The following TRIM2 variants were observed in gnomAD, a reference collection of about 807,000 sequenced individuals.
The protein encoded by TRIM2 is tripartite motif containing 2.
Under a neutral mutation model 75.2 loss-of-function variants are expected in TRIM2, and 20 were observed. That is an observed-to-expected ratio of 0.27 (90% confidence interval 0.19 to 0.39). The LOEUF (loss-of-function observed/expected upper bound fraction) is 0.39. Among genes scored for constraint, TRIM2 ranks in the 10% least tolerant of loss-of-function variants. The pLI is 1.00. For synonymous variants in TRIM2, 373 were observed against 388.3 expected (o/e 0.96, Z 0.46); for missense variants, 660 against 990.8 (o/e 0.67, Z 4.48).
intron 6 of TRIM2, among the ~76,000 whole-genome samples, chr4:153,305,175 C>G (rs577093429): frequency 1.3e-5 from 2 of 152,306 alleles, no homozygotes; most frequent in South Asian, 4.1e-4. Context: ...GCTGTGAACT[C>G]TGAAGCTAGA....
intron 1 of TRIM2, among the ~76,000 whole-genome samples, chr4:153,214,164 A>G (rs1560824345): frequency 6.6e-6 from 1 of 152,218 alleles, no homozygotes; most frequent in African/African-American, 2.4e-5. Flanking sequence ...TTTTTGATAC[A>G]TCTTACAAAA....
chr4:153,169,629 A>T (rs985692091), intron 1 of TRIM2, among the ~76,000 whole-genome samples: 4 of 152,344 alleles, frequency 2.6e-5, no homozygotes, highest in African/African-American at 9.6e-5. Context: ...ATATGTATTT[A>T]TATGATGTTT....
intron 10 of TRIM2, among the ~76,000 whole-genome samples, chr4:153,325,137 T>C (rs1404533104): frequency 1.3e-5 from 2 of 152,176 alleles, no homozygotes; most frequent in Non-Finnish European, 2.9e-5. Context: ...GGGTAGGTTT[T>C]TTAACACCCA....
chr4:153,256,795 A>G (rs55684734), intron 1 of TRIM2, among the ~76,000 whole-genome samples: 18,323 of 152,196 alleles, frequency 0.12, 1,156 homozygotes, highest in African/African-American at 0.14. Context: ...TAGAACCACA[A>G]AAAGCAAAGA....
chr4:153,244,150 CTTG>C (rs140852516), intron 1 of TRIM2, among the ~76,000 whole-genome samples: 14,562 of 141,216 alleles, frequency 0.1, 1,106 homozygotes, highest in South Asian at 0.26. Context: ...TCTTGTTCTT[CTTG>C]TTCTTCTTCT....
At chr4:153,245,667 ATTTG>A (rs767598060) in intron 1 of TRIM2, among the ~76,000 whole-genome samples, 3 of 152,170 alleles carry the variant, frequency 2.0e-5, no homozygotes, top group South Asian at 2.1e-4. Context: ...ACTGTTATTT[ATTTG>A]TTTGTTTATA....
chr4:153,281,071 A>T (rs188017351), intron 3 of TRIM2, among the ~76,000 whole-genome samples: 214 of 152,342 alleles, frequency 1.4e-3, no homozygotes, highest in African/African-American at 4.8e-3. Context: ...CAGAAAATCC[A>T]CAGAGGATAT....
intron 1 of TRIM2, among the ~76,000 whole-genome samples, chr4:153,222,006 A>AAC (rs1560836107): frequency 2.3e-5 from 1 of 42,890 alleles, no homozygotes; most frequent in Non-Finnish European, 4.8e-5. Context: ...AAGGAAGGAA[A>AAC]GAAGGAAGGA....
chr4:153,210,118 G>C (rs545412373), intron 1 of TRIM2, among the ~76,000 whole-genome samples: 318 of 144,976 alleles, frequency 2.2e-3, no homozygotes, highest in Non-Finnish European at 3.8e-3. Context: ...AGGCTGGAGA[G>C]CAGTGGCGAG....
intron 10 of TRIM2, among the ~76,000 whole-genome samples, chr4:153,326,656 G>A (rs1043328850): frequency 2.6e-5 from 4 of 152,204 alleles, no homozygotes; most frequent in Non-Finnish European, 5.9e-5. Context: ...TGAGTCATTT[G>A]GATTATGCCC....
Position 153,328,563 on chromosome 4 carries a change from T to A in TRIM2, c.2056T>A (p.Phe686Ile). 1.2e-6 allele frequency: 2 copies of A among 1,613,106 alleles called. No individual in the cohort carries two copies. The highest frequency in any genetic ancestry group is 1.7e-6 in the Non-Finnish European group (2 of 1,179,644). Residue 686 changes from phenylalanine to isoleucine, a missense_variant, in exon 11 of 12, where the codon TTT becomes ATT. Phe to Ile is a conservative substitution (Grantham distance 21). Around this residue, in one of 2 missense-constraint regions of TRIM2, gnomAD observed 620 missense variants for 891.0 expected, o/e 0.70. Transcript: ENST00000338700. ...TCAGGAAGGAGAATTCATGTTGAAGTTTGGCTCAAATGGAGAAGGAAATGG... is the reference window on the plus strand; with the variant it reads ...TCAGGAAGGAGAATTCATGTTGAAGATTGGCTCAAATGGAGAAGGAAATGG... ...FNQEGEFMLK[F>I]GSNGEGNGQF...
chr4:153,179,465 AC>A (rs1354230189), intron 1 of TRIM2, among the ~76,000 whole-genome samples: 7 of 151,960 alleles, frequency 4.6e-5, no homozygotes, highest in African/African-American at 1.7e-4. Context: ...TATTTCCCCA[AC>A]TTTTTTCCTC....
intron 3 of TRIM2, among the ~76,000 whole-genome samples, chr4:153,285,562 A>G (rs1203510374): frequency 6.6e-6 from 1 of 152,196 alleles, no homozygotes; most frequent in Non-Finnish European, 1.5e-5. Context: ...GGGGCAAGCA[A>G]TCCTCCTGCC....
intron 1 of TRIM2, among the ~76,000 whole-genome samples, chr4:153,244,704 A>G (rs1049752590): frequency 2.0e-5 from 3 of 152,074 alleles, no homozygotes; most frequent in Non-Finnish European, 4.4e-5. Flanking sequence ...ATTATTAGAG[A>G]AAGAATTTCT....
intron 1 of TRIM2, among the ~76,000 whole-genome samples, chr4:153,215,519 A>G (rs1339568828): frequency 1.3e-5 from 2 of 151,934 alleles, no homozygotes; most frequent in East Asian, 3.9e-4. Flanking sequence ...GCTCAAAACT[A>G]CATTAGGGAG....
chr4:153,233,823 C>T (rs1291229601), intron 1 of TRIM2, among the ~76,000 whole-genome samples: 13 of 152,126 alleles, frequency 8.5e-5, no homozygotes, highest in Admixed American at 7.9e-4. Context: ...GCCAGCAAAA[C>T]CATTTCCTGC....
intron 1 of TRIM2, among the ~76,000 whole-genome samples, chr4:153,214,044 T>C (rs1308047742): frequency 6.6e-6 from 1 of 152,086 alleles, no homozygotes. Flanking sequence ...GAGCTGGTAC[T>C]CTTATGATAG....
chr4:153,284,557 A>C (rs1230742714), intron 3 of TRIM2, among the ~76,000 whole-genome samples: 1 of 152,226 alleles, frequency 6.6e-6, no homozygotes, highest in Admixed American at 6.5e-5. Context: ...TTCCACTAGC[A>C]AAGCATAAGG....
At chr4:153,317,754 G>A (rs1435323245) in intron 8 of TRIM2, among the ~76,000 whole-genome samples, 1 of 152,186 alleles carries the variant, frequency 6.6e-6, no homozygotes, top group Non-Finnish European at 1.5e-5. Flanking sequence ...CTTGAGCCCA[G>A]GAGTTCAAGA....
Sources: gnomAD v4.1 joint callset for allele counts (sites outside exome capture counted in the v4.1 genomes callset) on GRCh38, gnomAD v4.1.1 for gene constraint, gnomAD v4.1.1 regional missense constraint, MANE v1.5 for transcripts, NCBI Gene and HGNC (gene_info 2026-07-23, HGNC 2026-07-21) for gene names.